The following NXF1 variants were observed in gnomAD, a reference collection of about 807,000 sequenced individuals.
NXF1 encodes nuclear RNA export factor 1.
NXF1 carries 43 observed loss-of-function variants against 92.4 expected under a neutral mutation model. The ratio of observed to expected loss-of-function variants is 0.47; its 90% CI spans 0.36 to 0.60. The LOEUF (loss-of-function observed/expected upper bound fraction) is 0.60. Among genes scored for constraint, NXF1 ranks in the 20% least tolerant of loss-of-function variants. NXF1 has a pLI of 0.00. For missense variants in NXF1, 576 were observed against 793.0 expected (o/e 0.73, Z 3.29); for synonymous variants, 288 against 292.2 (o/e 0.99, Z 0.15).
rs763684051 is a variant in NXF1, at chr11:62,801,948, G to T, written c.552C>A (p.Asn184Lys). The T allele has an allele frequency of 6.2e-7, 1 of 1,614,174 alleles. No homozygotes were observed. The highest frequency in any genetic ancestry group is 1.7e-5 in the Admixed American group (1 of 60,034). Reference protein sequence around the residue: ...AVNYKILDRENRRISIIINSS... With the variant: ...AVNYKILDREKRRISIIINSS... ...CCAGGCCCTTTAAACACACCCTTCG[G>T]TTCTCCCGATCCAAAATCTTATAGT... is the stretch of plus-strand genomic sequence containing the variant. Residue 184 changes from asparagine (N) to lysine (K), a missense_variant, in exon 5 of 21, where the codon AAC becomes AAA. Coordinates refer to ENST00000294172, the MANE Select transcript of NXF1 (RefSeq NM_006362.5).
intron 10 of NXF1, chr11:62,799,893 G>A (rs1355068763): frequency 1.0e-6 from 1 of 987,334 alleles, no homozygotes; most frequent in Non-Finnish European, 1.2e-6. Context: ...TGGATCCTGA[G>A]AAAAGGGTCC....
chr11:62,792,554 C>T (rs955920602), intron 20 of NXF1, 40 bp from the exon 21 acceptor site: 2 of 1,613,912 alleles, frequency 1.2e-6, no homozygotes, highest in East Asian at 2.2e-5. Context: ...GGCCTACCCT[C>T]GCCACTCAGC....
rs746717028 is a variant in NXF1 at position 62,803,558 on chromosome 11, G to T, written c.230C>A (p.Thr77Asn). ...AGTATCACCCCGACGGTTAGGTCGGGTGGTATAGGGGTTGCTGTGGGTAAG... is the reference window on the plus strand; with the variant it reads ...AGTATCACCCCGACGGTTAGGTCGGTTGGTATAGGGGTTGCTGTGGGTAAG... ...GPRVRYNPYT[T>N]RPNRRGDTWH... Residue 77 changes from threonine (T) to asparagine (N), a missense_variant, in exon 3 of 21, where the codon ACC becomes AAC. By Grantham distance (65) the Thr-to-Asn change is moderately conservative. Coordinates refer to ENST00000294172, the MANE Select transcript of NXF1 (RefSeq NM_006362.5). 26 of 1,614,102 alleles carry T rather than the reference G, an allele frequency of 1.6e-5. No individual in the cohort carries two copies. Among genetic ancestry groups the T allele is most frequent in the Non-Finnish European group, 2.2e-5 (26 of 1,180,038 alleles).
chr11:62,803,292 G>T lies in NXF1; in HGVS notation c.369+127C>A, dbSNP rs1179796956. ...GATCACGCCACTGTACTCCAGCCTGGGTGACAGAGCAAGACTCCATTTAAA... is the reference window on the plus strand; with the variant it reads ...GATCACGCCACTGTACTCCAGCCTGTGTGACAGAGCAAGACTCCATTTAAA... On this transcript the variant is annotated intron_variant, in intron 3 of 20. Transcript: ENST00000294172. The T allele has an allele frequency of 4.0e-6, 3 of 753,824 alleles. No homozygotes were observed. The Admixed American group carries it at 8.9e-5, about 22-fold the overall frequency. 46.7% of individuals were successfully genotyped at this position (753,824 alleles called of 1,614,324 possible).
At chr11:62,798,657 C>G in intron 10 of NXF1, 82 bp from the exon 11 acceptor site, 1 of 1,596,642 alleles carries the variant, frequency 6.3e-7, no homozygotes, top group Non-Finnish European at 8.5e-7. Flanking sequence ...TATACCAAAC[C>G]CGAGGGACAG....
rs1370908139 is a variant in NXF1 at position 62,796,580 on chromosome 11, CAAAA to C, written c.1179-17_1179-14del. 1.9e-6 allele frequency: 3 copies of C among 1,568,188 alleles called. No homozygotes were observed. Among genetic ancestry groups the C allele is most frequent in the Non-Finnish European group, 2.6e-6 (3 of 1,139,572 alleles). On this transcript the variant is annotated splice_polypyrimidine_tract_variant and intron_variant, in intron 13 of 20. Transcript: ENST00000294172. ...AATTGCATAGTACCTATGGGAAAAA[CAAAA>C]AAGAAAGTATGGGCTCTGTGGTCTA...
chr11:62,801,245 GATCAGAGACGAAT>G, intron 8 of NXF1, 44 bp from the exon 9 acceptor site: 2 of 1,603,768 alleles, frequency 1.2e-6, no homozygotes, highest in South Asian at 2.2e-5. Flanking sequence ...CCAGCAAGTG[GATCAGAGACGAAT>G]CTGCCCTCCA....
chr11:62,801,595 C>T lies in NXF1; in HGVS notation c.676G>A (p.Ala226Thr), dbSNP rs760514017. 2 of 1,613,838 alleles carry T rather than the reference C, an allele frequency of 1.2e-6. No homozygotes were observed. Among genetic ancestry groups the T allele is most frequent in the African/African-American group, 2.7e-5 (2 of 74,832 alleles). Residue 226 changes from alanine (A) to threonine (T), a missense_variant, in exon 7 of 21, where the codon GCC becomes ACC. Physicochemically the swap from Ala to Thr is moderately conservative, Grantham distance 58. Transcript: ENST00000294172. ...MSKRYDGSQQ[A>T]LDLKGLRSDP... Reference sequence around the variant, plus strand: ...GAACGGAGGCCTTTGAGGTCAAGGGCTTGTTGGGAGCCATCGTATCGTTTG... The same window carrying T: ...GAACGGAGGCCTTTGAGGTCAAGGGTTTGTTGGGAGCCATCGTATCGTTTG...
In NXF1 at chr11:62,794,825, T is replaced by A; in HGVS notation, c.1577+110A>T. ...TAACTACTATGTGAGCTTTCTCTGA[T>A]TTCCTGTTGCCTTTCTGAAATCACC... On this transcript the variant is annotated intron_variant, in intron 18 of 20. Transcript: ENST00000294172. The A allele has an allele frequency of 3.0e-6, 3 of 990,462 alleles. No individual in the cohort carries two copies. In the South Asian group the frequency reaches 4.4e-5, roughly 14 times the overall value. The allele number at this position is 990,462 out of a possible 1,614,324, so 61.4% of individuals were successfully genotyped here. A position where few individuals can be genotyped will look rare whatever the true frequency, so the allele number is the denominator to read the frequency against.
Position 62,803,560 on chromosome 11 carries a change from G to A in NXF1, c.228C>T (p.Thr76=). The A allele has an allele frequency of 6.2e-7, 1 of 1,614,058 alleles. No homozygotes were observed. Among genetic ancestry groups the A allele is most frequent in the Non-Finnish European group, 8.5e-7 (1 of 1,180,016 alleles). The change falls in exon 3 of 21, where the codon ACC becomes ACT. Residue 76 remains threonine (T), a synonymous_variant. Coordinates refer to ENST00000294172, the MANE Select transcript of NXF1 (RefSeq NM_006362.5). ...DGPRVRYNPY[T]TRPNRRGDTW... Reference sequence around the variant, plus strand: ...TATCACCCCGACGGTTAGGTCGGGTGGTATAGGGGTTGCTGTGGGTAAGCA... The same window carrying A: ...TATCACCCCGACGGTTAGGTCGGGTAGTATAGGGGTTGCTGTGGGTAAGCA...
Position 62,801,337 on chromosome 11 carries a change from T to C in NXF1, c.790A>G (p.Ile264Val). Reference sequence around the variant, plus strand: ...TGGGCCAAAGGCCTTACCTCAGGGATGTTCTCTTCAATGATCCTCAGGGTA... The same window carrying C: ...TGGGCCAAAGGCCTTACCTCAGGGACGTTCTCTTCAATGATCCTCAGGGTA... Reference protein sequence around the residue: ...AATLRIIEENIPELLSLNLSN... With the variant: ...AATLRIIEENVPELLSLNLSN... Residue 264 changes from isoleucine (I) to valine (V), a missense_variant, in exon 8 of 21, where the codon ATC (isoleucine) becomes GTC (valine). This residue lies in a region of NXF1 where 425 missense variants were observed against 635.2 expected (regional missense o/e 0.67). Transcript: ENST00000294172. The C allele has an allele frequency of 6.2e-7, 1 of 1,614,090 alleles. No individual in the cohort carries two copies. Among genetic ancestry groups the C allele is most frequent in the Non-Finnish European group, 8.5e-7 (1 of 1,179,946 alleles).
chr11:62,797,425 C>T, intron 11 of NXF1, 39 bp from the exon 12 acceptor site: 1 of 1,573,682 alleles, frequency 6.4e-7, no homozygotes, highest in Non-Finnish European at 8.7e-7. Flanking sequence ...GTAGACTGGG[C>T]CCAGTGGCTC....
rs200856666 is a variant in NXF1, at chr11:62,803,945, C to T, written c.62G>A (p.Arg21Lys). The change falls in exon 2 of 21, where the codon AGA becomes AAA. Residue 21 changes from arginine to lysine, a missense_variant. By Grantham distance (26) the Arg-to-Lys change is conservative. Around this residue, in one of 2 missense-constraint regions of NXF1, gnomAD observed 151 missense variants for 157.8 expected, o/e 0.96. Transcript: ENST00000294172. ...HDDERVNFPQ[R>K]KKKGRGPFRW... is the part of the protein sequence containing the mutation. ...GAAGGGACCCCGGCCTTTCTTCTTTCTTTGAGGGAAATTAACGCGTTCATC... is the reference window on the plus strand; with the variant it reads ...GAAGGGACCCCGGCCTTTCTTCTTTTTTTGAGGGAAATTAACGCGTTCATC... 11 of 1,613,680 alleles carry T rather than the reference C, an allele frequency of 6.8e-6. No individual in the cohort carries two copies. In the East Asian group the frequency reaches 1.1e-4, roughly 16 times the overall value.
chr11:62,798,711 C>T, intron 10 of NXF1, 136 bp from the exon 11 acceptor site: 1 of 1,479,262 alleles, frequency 6.8e-7, no homozygotes, highest in South Asian at 1.4e-5. Flanking sequence ...CCAGCCTGTG[C>T]TCAGGGAAAA....
At chr11:62,800,168 TAGTC>T (rs1459861319) in intron 10 of NXF1, 2 of 1,399,988 alleles carry the variant, frequency 1.4e-6, no homozygotes, top group African/African-American at 2.9e-5. Context: ...AGCAAACAGA[TAGTC>T]AAGTCAGAAG....
intron 13 of NXF1, chr11:62,796,886 G>C: frequency 1.9e-6 from 1 of 530,190 alleles, no homozygotes; most frequent in Non-Finnish European, 3.4e-6. Context: ...GGCCAACATA[G>C]TGAAATCCCA....
chr11:62,801,145 G>T lies in NXF1; in HGVS notation c.855C>A (p.Ser285Arg). The T allele has an allele frequency of 1.9e-6, 3 of 1,614,162 alleles. No homozygotes were observed. The highest frequency in any genetic ancestry group is 2.5e-6 in the Non-Finnish European group (3 of 1,180,014). ...TCAGGTTGGGTGCCTTCTGAACAATGCTAGACATGTCATCCAGCCTGTACA... is the reference window on the plus strand; with the variant it reads ...TCAGGTTGGGTGCCTTCTGAACAATTCTAGACATGTCATCCAGCCTGTACA... ...NRLYRLDDMSSIVQKAPNLKI... is the reference protein window; with the variant it reads ...NRLYRLDDMSRIVQKAPNLKI... Residue 285 changes from serine to arginine, a missense_variant, in exon 9 of 21, where the codon AGC becomes AGA. Physicochemically the swap from Ser to Arg is moderately radical, Grantham distance 110. Around this residue, in one of 2 missense-constraint regions of NXF1, gnomAD observed 425 missense variants for 635.2 expected, o/e 0.67. Coordinates refer to ENST00000294172, the MANE Select transcript of NXF1 (RefSeq NM_006362.5).
At position 62,794,916 on chromosome 11, in the gene NXF1, C is replaced by A; in HGVS notation, c.1577+19G>T. 3 of 1,612,126 alleles carry A rather than the reference C, an allele frequency of 1.9e-6. No individual in the cohort carries two copies. The highest frequency in any genetic ancestry group is 1.3e-5 in the African/African-American group (1 of 75,004). On this transcript the variant is annotated intron_variant, in intron 18 of 20. Transcript: ENST00000294172. ...CATGGATTAGGACTGGTATCCAATG[C>A]GAAAAGCAGAATACTTACCCTGAAT...
chr11:62,800,575 G>T, intron 9 of NXF1, 89 bp from the exon 10 acceptor site: 1 of 752,464 alleles, frequency 1.3e-6, no homozygotes, highest in Non-Finnish European at 2.1e-6. Flanking sequence ...GCTTAGCTCT[G>T]AGATCTTTTC....
Sources: allele counts gnomAD v4.1 joint callset, GRCh38; gene constraint gnomAD v4.1.1; regional missense constraint gnomAD v4.1.1; transcripts MANE v1.5; gene names NCBI Gene and HGNC (gene_info 2026-07-23, HGNC 2026-07-21).